Variants in TGFB2 observed in about 807,000 individuals in gnomAD.
TGFB2 encodes transforming growth factor beta 2.
A neutral mutation model predicts 42.7 loss-of-function variants in TGFB2; 13 were observed. That is an observed-to-expected ratio of 0.30 (90% CI 0.20 to 0.48). TGFB2 has a LOEUF of 0.48. Ranked by LOEUF, TGFB2 falls within the 20% of genes least tolerant of loss-of-function variation. The pLI is 0.99. For missense variants in TGFB2, 390 were observed against 517.5 expected, an observed-to-expected ratio of 0.75 and a Z score of 2.39; for synonymous variants, 193 against 193.6, an observed-to-expected ratio of 1.00 and a Z score of 0.03.
rs905159979 is a variant in TGFB2, at chr1:218,429,481, A to T, written c.511-4601A>T. ...TGGATGAGTGTACTACATTTTGTTT[A>T]TGCATTCATCTCTTGATGAGTACTT... On this transcript the variant is annotated intron_variant, in intron 2 of 6. Transcript: ENST00000366930. Among the ~76,000 whole-genome samples the T allele has an allele frequency of 1.3e-4, 20 of 152,260 alleles. 2 individuals carry two copies. Among genetic ancestry groups the T allele is most frequent in the Admixed American group, 1.3e-3 (20 of 15,288 alleles).
chr1:218,426,355 T>G (rs1659625192), intron 2 of TGFB2, among the ~76,000 whole-genome samples: 1 of 152,244 alleles, frequency 6.6e-6, no homozygotes, highest in Admixed American at 6.5e-5. Flanking sequence ...GCTATAATTT[T>G]GCATCTAGAC....
intron 2 of TGFB2, among the ~76,000 whole-genome samples, chr1:218,411,233 ATGT>A (rs775000007): frequency 6.6e-6 from 1 of 152,212 alleles, no homozygotes; most frequent in African/African-American, 2.4e-5. Flanking sequence ...AAGCTTCAAA[ATGT>A]TGTGGCCTCA....
At chr1:218,419,523 A>G (rs570421541) in intron 2 of TGFB2, among the ~76,000 whole-genome samples, 1 of 152,122 alleles carries the variant, frequency 6.6e-6, no homozygotes, top group East Asian at 1.9e-4. Context: ...TCTTATCTCT[A>G]CCTCTAGCCA....
At chr1:218,435,097 T>A (rs1659929019) in intron 4 of TGFB2, among the ~76,000 whole-genome samples, 1 of 152,204 alleles carries the variant, frequency 6.6e-6, no homozygotes, top group Non-Finnish European at 1.5e-5. Flanking sequence ...TGATGAGTTG[T>A]TGGATGATGA....
intron 1 of TGFB2, among the ~76,000 whole-genome samples, chr1:218,355,799 T>C (rs2102537495): frequency 1.3e-5 from 2 of 152,326 alleles, no homozygotes; most frequent in Middle Eastern, 3.4e-3. Context: ...AACAAAGAAA[T>C]ATCACTGCCC....
In TGFB2 at chr1:218,406,895, G is replaced by C. The variant is rs1380965082; in HGVS notation, c.510+1563G>C. On this transcript the variant is annotated intron_variant, in intron 2 of 6. Coordinates refer to ENST00000366930, the MANE Select transcript of TGFB2 (RefSeq NM_003238.6). ...AAGGGGTATATATGTGTGACAATAT[G>C]ATTAAAACATGGGATTACTTGAGAA... 3.9e-5 allele frequency among the ~76,000 whole-genome samples: 6 copies of C among 152,258 alleles called. No individual in the cohort carries two copies. In the East Asian group the frequency reaches 1.2e-3, roughly 29 times the overall value.
At chr1:218,354,554 G>GTTAA (rs1656972323) in intron 1 of TGFB2, among the ~76,000 whole-genome samples, 1 of 152,118 alleles carries the variant, frequency 6.6e-6, no homozygotes, top group Admixed American at 6.5e-5. Flanking sequence ...ATCCTATGAG[G>GTTAA]TTAATACTCA....
intron 1 of TGFB2, among the ~76,000 whole-genome samples, chr1:218,370,658 G>A (rs1410748670): frequency 1.3e-5 from 2 of 152,182 alleles, no homozygotes; most frequent in African/African-American, 4.8e-5. Flanking sequence ...GTGATAAACA[G>A]CACAGGTTTC....
intron 2 of TGFB2, among the ~76,000 whole-genome samples, chr1:218,419,703 G>C (rs1659392991): frequency 6.6e-6 from 1 of 152,136 alleles, no homozygotes; most frequent in African/African-American, 2.4e-5. Flanking sequence ...TTCGGATTTG[G>C]AAATTCTGCT....
chr1:218,365,887 C>T (rs1657371842), intron 1 of TGFB2, among the ~76,000 whole-genome samples: 1 of 152,156 alleles, frequency 6.6e-6, no homozygotes, highest in African/African-American at 2.4e-5. Context: ...TTGGGAGCGG[C>T]TGAAGTGAGC....
intron 6 of TGFB2, among the ~76,000 whole-genome samples, chr1:218,437,976 T>C (rs776115108): frequency 6.6e-6 from 1 of 152,186 alleles, no homozygotes; most frequent in Non-Finnish European, 1.5e-5. Context: ...CATTTCCTCA[T>C]TTGGGGAACA....
chr1:218,440,983 G>A (rs1422300811), intron 6 of TGFB2, among the ~76,000 whole-genome samples: 2 of 152,200 alleles, frequency 1.3e-5, no homozygotes, highest in East Asian at 3.8e-4. Flanking sequence ...ATTTGCTTAA[G>A]ATGTGTGGAA....
rs1658816382 is a variant in TGFB2 at position 218,403,907 on chromosome 1, T to C, written c.347-1262T>C. On this transcript the variant is annotated intron_variant, in intron 1 of 6. Coordinates refer to ENST00000366930, the MANE Select transcript of TGFB2 (RefSeq NM_003238.6). ...TGTGTAGGAGATTTTGGAAGAAGAT[T>C]GTAGAAACATACCTGTAACAAGTGG... Among the ~76,000 whole-genome samples, 3 of 152,084 alleles carry C rather than the reference T, an allele frequency of 2.0e-5. No individual in the cohort carries two copies. The South Asian group carries it at 6.2e-4, about 32-fold the overall frequency.
At chr1:218,425,894 C>G (rs933926409) in intron 2 of TGFB2, among the ~76,000 whole-genome samples, 1 of 152,162 alleles carries the variant, frequency 6.6e-6, no homozygotes, top group Non-Finnish European at 1.5e-5. Context: ...TCAGGCAGAT[C>G]TGAGAGACTC....
At chr1:218,365,035 G>T (rs558414983) in intron 1 of TGFB2, among the ~76,000 whole-genome samples, 1 of 152,194 alleles carries the variant, frequency 6.6e-6, no homozygotes, top group East Asian at 1.9e-4. Context: ...TATGTCCCTG[G>T]TACTTAAGAC....
intron 1 of TGFB2, among the ~76,000 whole-genome samples, chr1:218,378,169 ATTTATTTATTTATTT>A (rs1558235003): frequency 8.6e-5 from 2 of 23,256 alleles, no homozygotes; most frequent in Non-Finnish European, 2.1e-4. Flanking sequence ...TTATTTATTT[ATTTATTTATTTATTT>A]ATTTAAGATG....
chr1:218,437,179 G>A (rs1405719267), intron 5 of TGFB2, among the ~76,000 whole-genome samples, 164 bp from the exon 6 acceptor site: 1 of 152,112 alleles, frequency 6.6e-6, no homozygotes, highest in African/African-American at 2.4e-5. Context: ...AGTCACTTGA[G>A]ATTACAATAA....
rs773820426 is a variant in TGFB2, at chr1:218,405,315, C to T, written c.493C>T (p.Arg165Trp). 3 of 1,613,854 alleles carry T rather than the reference C, an allele frequency of 1.9e-6. No individual in the cohort carries two copies. The highest frequency in any genetic ancestry group is 1.3e-5 in the African/African-American group (1 of 74,828). ...CCCAAAAGCCAGAGTGCCTGAACAA[C>T]GGATTGAGCTATATCAGGTAATGTT... ...QNPKARVPEQ[R>W]IELYQILKSK... The change falls in exon 2 of 7, where the codon CGG becomes TGG. Residue 165 changes from arginine (R) to tryptophan (W), a missense_variant. Physicochemically the swap from Arg to Trp is moderately radical, Grantham distance 101 (BLOSUM62 -3). Transcript: ENST00000366930.
intron 1 of TGFB2, among the ~76,000 whole-genome samples, chr1:218,358,733 G>A (rs1019013067): frequency 9.9e-5 from 15 of 151,698 alleles, no homozygotes; most frequent in Admixed American, 3.3e-4. Flanking sequence ...TAGTAGAGAC[G>A]GGGTTTCACC....
Sources: allele counts gnomAD v4.1 joint callset (sites outside exome capture counted in the v4.1 genomes callset), GRCh38; gene constraint gnomAD v4.1.1; transcripts MANE v1.5; gene names NCBI Gene and HGNC (gene_info 2026-07-23, HGNC 2026-07-21).